PDE1C: variants seen among roughly 807,000 people sequenced by gnomAD.
PDE1C encodes phosphodiesterase 1C, also known as dual specificity calcium/calmodulin-dependent 3',5'-cyclic nucleotide phosphodiesterase 1C.
In PDE1C, 62 loss-of-function variants were observed where a neutral mutation model predicts 93.1. The ratio of observed to expected loss-of-function variants is 0.67; its 90% confidence interval spans 0.54 to 0.82. PDE1C has a LOEUF of 0.82. Among genes scored for constraint, PDE1C ranks in the 40% least tolerant of loss-of-function variants. The pLI is 0.00. For missense variants in PDE1C, 742 were observed against 884.6 expected, an observed-to-expected ratio of 0.84 and a Z score of 2.04; for synonymous variants, 325 against 310.1, an observed-to-expected ratio of 1.05 and a Z score of -0.50.
intron 2 of PDE1C, among the ~76,000 whole-genome samples, chr7:32,206,181 T>C (rs932227680): frequency 6.6e-6 from 1 of 152,046 alleles, no homozygotes; most frequent in Non-Finnish European, 1.5e-5. Flanking sequence ...ACTCTCCCAC[T>C]AGCATGTAGG....
intron 1 of PDE1C, among the ~76,000 whole-genome samples, chr7:32,057,290 A>G (rs1490170715): frequency 6.6e-6 from 1 of 152,192 alleles, no homozygotes. Flanking sequence ...ATACTCATTT[A>G]GCTCTTAAGT....
chr7:31,835,696 T>C (rs1019252142), intron 11 of PDE1C, among the ~76,000 whole-genome samples: 4 of 151,398 alleles, frequency 2.6e-5, no homozygotes, highest in Non-Finnish European at 4.4e-5. Flanking sequence ...GATAAGACCA[T>C]AGGGAATTAG....
chr7:31,976,660 C>G (rs1811709814), intron 2 of PDE1C, among the ~76,000 whole-genome samples: 1 of 152,224 alleles, frequency 6.6e-6, no homozygotes, highest in Non-Finnish European at 1.5e-5. Context: ...GTCTACACCA[C>G]TAGTCTCTCA....
intron 1 of PDE1C, among the ~76,000 whole-genome samples, chr7:32,273,298 T>C (rs1811080222): frequency 6.6e-6 from 1 of 152,220 alleles, no homozygotes; most frequent in South Asian, 2.1e-4. Context: ...CAGCCAGCAT[T>C]TTGCAAAGCA....
chr7:32,327,787 A>AG (rs1385524062), intron 1 of PDE1C, among the ~76,000 whole-genome samples: 2 of 151,522 alleles, frequency 1.3e-5, no homozygotes, highest in African/African-American at 4.9e-5. Flanking sequence ...AAAAAAAAAA[A>AG]AAAGAGAATC....
At chr7:31,977,189 T>C (rs1282690263) in intron 2 of PDE1C, among the ~76,000 whole-genome samples, 1 of 152,042 alleles carries the variant, frequency 6.6e-6, no homozygotes, top group Non-Finnish European at 1.5e-5. Flanking sequence ...GGGAGGTAAT[T>C]AGGATTGGGT....
chr7:32,219,033 A>C (rs886556939), intron 1 of PDE1C, among the ~76,000 whole-genome samples: 2 of 152,222 alleles, frequency 1.3e-5, no homozygotes, highest in Non-Finnish European at 2.9e-5. Context: ...ACTTGTTGCC[A>C]TATGAATTTA....
rs1003587333 is a variant in PDE1C, at chr7:31,752,972, T to C, written c.*412A>G. On this transcript the variant is annotated 3_prime_UTR_variant, in exon 18 of 18. Coordinates refer to ENST00000396191, the MANE Select transcript of PDE1C (RefSeq NM_001191057.4). ...TTTAAAATTGGAAAATATGTTTTTA[T>C]CAGTGCATTTCTTAAATATGATGAT... The C allele has an allele frequency of 6.5e-6, 1 of 152,958 alleles. No homozygotes were observed. Among genetic ancestry groups the C allele is most frequent in the Admixed American group, 6.5e-5 (1 of 15,318 alleles). The allele number at this position is 152,958 out of a possible 1,614,324, so 9.5% of individuals were successfully genotyped here.
At chr7:32,214,730 A>G (rs1005832788) in intron 1 of PDE1C, among the ~76,000 whole-genome samples, 1 of 152,168 alleles carries the variant, frequency 6.6e-6, no homozygotes, top group Non-Finnish European at 1.5e-5. Flanking sequence ...AAACCTAACT[A>G]TGGAGACCTA....
intron 17 of PDE1C, among the ~76,000 whole-genome samples, chr7:31,757,907 T>C (rs544807574): frequency 6.6e-6 from 1 of 152,134 alleles, no homozygotes; most frequent in Non-Finnish European, 1.5e-5. Context: ...CAAATGTCCA[T>C]CAATGATAGA....
At chr7:31,874,554 T>G (rs1055413109) in intron 5 of PDE1C, among the ~76,000 whole-genome samples, 4 of 152,248 alleles carry the variant, frequency 2.6e-5, no homozygotes, top group Admixed American at 2.6e-4. Flanking sequence ...ATTTTGTTCC[T>G]GACCAAACAT....
intron 2 of PDE1C, among the ~76,000 whole-genome samples, chr7:31,933,774 C>T (rs142384656): frequency 7.0e-4 from 106 of 152,304 alleles, no homozygotes; most frequent in Middle Eastern, 3.4e-3. Flanking sequence ...CTCCCCACTG[C>T]CTTGCTCATG....
intron 2 of PDE1C, among the ~76,000 whole-genome samples, chr7:31,884,847 G>C (rs1383780233): frequency 6.6e-6 from 1 of 152,186 alleles, no homozygotes; most frequent in African/African-American, 2.4e-5. Flanking sequence ...TGTCATTATA[G>C]TGAAGGTATT....
intron 7 of PDE1C, among the ~76,000 whole-genome samples, chr7:31,855,069 T>TA (rs70989615): frequency 0.023 from 2,443 of 107,004 alleles, 91 homozygotes; most frequent in African/African-American, 0.082. Context: ...TCCCTCTGTC[T>TA]AAAAAAAAAA....
chr7:31,755,082 T>C (rs1314565566), intron 17 of PDE1C, among the ~76,000 whole-genome samples: 1 of 152,158 alleles, frequency 6.6e-6, no homozygotes, highest in Non-Finnish European at 1.5e-5. Context: ...AAGCACTCTA[T>C]TCTAGCTGAT....
chr7:32,415,055 C>T (rs1785246240), intron 1 of PDE1C, among the ~76,000 whole-genome samples: 1 of 152,160 alleles, frequency 6.6e-6, no homozygotes, highest in African/African-American at 2.4e-5. Flanking sequence ...TCTGGCCAGG[C>T]CCAGTGGCTC....
intron 1 of PDE1C, among the ~76,000 whole-genome samples, chr7:32,248,230 A>G (rs1033669428): frequency 3.3e-5 from 5 of 152,172 alleles, no homozygotes; most frequent in Admixed American, 1.3e-4. Context: ...AGTTTGATAG[A>G]AACAATGGGG....
intron 2 of PDE1C, among the ~76,000 whole-genome samples, chr7:31,984,587 C>G (rs950159748): frequency 2.0e-5 from 3 of 152,074 alleles, no homozygotes; most frequent in Non-Finnish European, 4.4e-5. Context: ...GTTTTTTGAA[C>G]AAGGAGACCC....
intron 16 of PDE1C, among the ~76,000 whole-genome samples, chr7:31,776,300 G>T (rs978849589): frequency 6.6e-6 from 1 of 152,164 alleles, no homozygotes; most frequent in African/African-American, 2.4e-5. Flanking sequence ...CAATTGCGTC[G>T]AAGTGTTCCA....
Sources: gnomAD v4.1 joint callset for allele counts (sites outside exome capture counted in the v4.1 genomes callset) on GRCh38, gnomAD v4.1.1 for gene constraint, MANE v1.5 for transcripts, NCBI Gene and HGNC (gene_info 2026-07-23, HGNC 2026-07-21) for gene names.